ZBTB49: variants seen among roughly 807,000 people sequenced by gnomAD.
ZBTB49 encodes zinc finger and BTB domain containing 49.
ZBTB49 carries 43 observed loss-of-function variants against 57.5 expected under a neutral mutation model. The observed-to-expected ratio is 0.75, with a 90% CI of 0.59 to 0.97. ZBTB49 has a LOEUF of 0.97. ZBTB49 is among the 50% of genes least tolerant of loss of function. The pLI is 0.00. For synonymous variants in ZBTB49, 369 were observed against 362.1 expected (o/e 1.02, Z -0.22); for missense variants, 938 against 947.7 (o/e 0.99, Z 0.13).
intron 7 of ZBTB49, among the ~76,000 whole-genome samples, chr4:4,316,486 A>G (rs868330349): frequency 6.6e-6 from 1 of 152,358 alleles, no homozygotes; most frequent in Middle Eastern, 3.4e-3. Context: ...GCTCAGGGTA[A>G]GGTAGCTCAT....
chr4:4,313,819 C>G (rs1329366271), intron 5 of ZBTB49, among the ~76,000 whole-genome samples: 1 of 152,242 alleles, frequency 6.6e-6, no homozygotes, highest in Admixed American at 6.5e-5. Flanking sequence ...TCAGCCAGGA[C>G]TATGCCAGTC....
At chr4:4,299,776 G>GTTTT (rs1553803868) in intron 1 of ZBTB49, among the ~76,000 whole-genome samples, 151 bp from the exon 2 acceptor site, 1 of 103,636 alleles carries the variant, frequency 9.6e-6, no homozygotes, top group African/African-American at 2.8e-5. Flanking sequence ...CAGAAACAGA[G>GTTTT]GTGTGTGTGT....
At chr4:4,301,659 A>G (rs1368798161) in intron 2 of ZBTB49, among the ~76,000 whole-genome samples, 2 of 152,120 alleles carry the variant, frequency 1.3e-5, no homozygotes, top group Non-Finnish European at 1.5e-5. Context: ...CTTAGATCAT[A>G]TTGGGAATTA....
intron 7 of ZBTB49, among the ~76,000 whole-genome samples, chr4:4,319,726 C>T (rs1429438879): frequency 1.3e-5 from 2 of 152,070 alleles, no homozygotes; most frequent in African/African-American, 2.4e-5. Context: ...GAGGCTGTGA[C>T]ATGAGAATCG....
At chr4:4,309,652 G>A (rs904915325) in intron 4 of ZBTB49, among the ~76,000 whole-genome samples, 1 of 152,192 alleles carries the variant, frequency 6.6e-6, no homozygotes, top group Non-Finnish European at 1.5e-5. Context: ...GCCCGAGTCC[G>A]GGGGTCCTAG....
intron 1 of ZBTB49, among the ~76,000 whole-genome samples, chr4:4,295,485 A>G (rs929343036): frequency 1.3e-5 from 2 of 152,218 alleles, no homozygotes; most frequent in African/African-American, 4.8e-5. Flanking sequence ...CATATCAGAT[A>G]TGATATGCTT....
intron 7 of ZBTB49, 59 bp from the exon 8 acceptor site, chr4:4,320,581 C>T: frequency 6.3e-7 from 1 of 1,598,984 alleles, no homozygotes; most frequent in South Asian, 1.1e-5. Context: ...TCACGACCAG[C>T]CTGGGCCACA....
intron 4 of ZBTB49, among the ~76,000 whole-genome samples, chr4:4,307,161 C>G (rs938328764): frequency 6.6e-6 from 1 of 152,234 alleles, no homozygotes; most frequent in Non-Finnish European, 1.5e-5. Flanking sequence ...AAGTCCTCGC[C>G]GTCTCTCATC....
Position 4,320,726 on chromosome 4 carries a change from A to C in ZBTB49, c.1708A>C (p.Lys570Gln). 6.2e-7 allele frequency: 1 copy of C among 1,614,232 alleles called. No individual in the cohort carries two copies. Among genetic ancestry groups the C allele is most frequent in the Non-Finnish European group, 8.5e-7 (1 of 1,180,044 alleles). ...GCCGTACACATGTGAGATCTGTAAC[A>C]AGTGCTTTACCCGCTCTGCGGTGCT... ...EKPYTCEICNKCFTRSAVLRR... is the reference protein window; with the variant it reads ...EKPYTCEICNQCFTRSAVLRR... The change falls in exon 8 of 8, where the codon AAG (lysine) becomes CAG (glutamine). Residue 570 changes from lysine to glutamine, a missense_variant. Physicochemically the swap from Lys to Gln is moderately conservative, Grantham distance 53. Transcript: ENST00000337872.
rs371603081 is a variant in ZBTB49 at position 4,320,670 on chromosome 4, G to A, written c.1652G>A (p.Arg551His). The A allele has an allele frequency of 2.4e-5, 38 of 1,614,082 alleles. No individual in the cohort carries two copies. The Middle Eastern group carries it at 6.6e-4, about 28-fold the overall frequency. Residue 551 changes from arginine (R) to histidine (H), a missense_variant, in exon 8 of 8, where the codon CGC becomes CAC. Around this residue, in one of 3 missense-constraint regions of ZBTB49, gnomAD observed 835 missense variants for 819.1 expected, o/e 1.02. Transcript: ENST00000337872. ...TGTTTTGGGGGATCAGGTGACCTCC[G>A]CAGGCATGTCCGCACTCACACTGGG... ...GKCFGGSGDL[R>H]RHVRTHTGEK... is the part of the protein sequence containing the mutation.
At chr4:4,313,174 G>A (rs1721046272) in intron 5 of ZBTB49, 60 bp downstream of exon 5, 5 of 1,597,492 alleles carry the variant, frequency 3.1e-6, no homozygotes, top group South Asian at 1.1e-5. Flanking sequence ...AGTGTCTTTG[G>A]TAGTCAGTGT....
intron 1 of ZBTB49, among the ~76,000 whole-genome samples, chr4:4,290,607 C>T (rs575639376): frequency 6.6e-6 from 1 of 152,350 alleles, no homozygotes; most frequent in East Asian, 1.9e-4. Flanking sequence ...GGAGCCGGGC[C>T]TTCTCCCTGG....
chr4:4,292,490 G>A lies in ZBTB49; in HGVS notation c.-20+2138G>A, dbSNP rs2916431. Among the ~76,000 whole-genome samples the A allele has an allele frequency of 2.4e-3, 369 of 152,106 alleles. 3 individuals are homozygous for A. The highest frequency in any genetic ancestry group is 7.3e-3 in the African/African-American group (302 of 41,522). On this transcript the variant is annotated intron_variant, in intron 1 of 7. Transcript: ENST00000337872. ...GAAGAGTAGGGAACACATCTGTTCC[G>A]TTTGTCAGCATTCCATCCTCGCGAC...
At chr4:4,301,648 T>C (rs1720476747) in intron 2 of ZBTB49, among the ~76,000 whole-genome samples, 1 of 152,188 alleles carries the variant, frequency 6.6e-6, no homozygotes, top group Non-Finnish European at 1.5e-5. Context: ...ATCTTTTATT[T>C]CTTAGATCAT....
In ZBTB49 at chr4:4,296,227, G is replaced by A. The variant is rs185154696; in HGVS notation, c.-19-3700G>A. Among the ~76,000 whole-genome samples the A allele has an allele frequency of 1.5e-3, 234 of 152,338 alleles. 1 individual carries two copies. The highest frequency in any genetic ancestry group is 5.0e-3 in the African/African-American group (208 of 41,580). ...GGCAGGAAAGCTGGAGAGGATGGTT[G>A]AGGACTGAGGAAAAGTCACTGTCGG... On this transcript the variant is annotated intron_variant, in intron 1 of 7. Transcript: ENST00000337872.
chr4:4,310,149 C>A (rs937796075), intron 4 of ZBTB49, among the ~76,000 whole-genome samples: 2 of 152,188 alleles, frequency 1.3e-5, no homozygotes, highest in Admixed American at 6.5e-5. Context: ...TTGCTGAAGG[C>A]AGATGTTAAT....
intron 7 of ZBTB49, 41 bp from the exon 8 acceptor site, chr4:4,320,599 A>T: frequency 6.2e-7 from 1 of 1,610,042 alleles, no homozygotes; most frequent in Non-Finnish European, 8.5e-7. Flanking sequence ...ACATAGTGAG[A>T]CCCTGTTTAA....
At chr4:4,303,760 C>CTCTCTGTG (rs1223289249) in intron 3 of ZBTB49, among the ~76,000 whole-genome samples, 1 of 121,324 alleles carries the variant, frequency 8.2e-6, no homozygotes, top group Non-Finnish European at 1.7e-5. Context: ...CTCTCTCTCT[C>CTCTCTGTG]TGTGTGTGTG....
At chr4:4,299,242 C>T (rs1031415281) in intron 1 of ZBTB49, among the ~76,000 whole-genome samples, 1 of 151,132 alleles carries the variant, frequency 6.6e-6, no homozygotes, top group Non-Finnish European at 1.5e-5. Flanking sequence ...GGTACCTGCA[C>T]AGCTCCTTCC....
Sources: gnomAD v4.1 joint callset for allele counts (sites outside exome capture counted in the v4.1 genomes callset) on GRCh38, gnomAD v4.1.1 for gene constraint, gnomAD v4.1.1 regional missense constraint, MANE v1.5 for transcripts, NCBI Gene and HGNC (gene_info 2026-07-23, HGNC 2026-07-21) for gene names.